The following NCOR2 variants were observed in gnomAD, a reference collection of about 807,000 sequenced individuals.
NCOR2 encodes the protein nuclear receptor corepressor 2, also known as CTG repeat protein 26.
A neutral mutation model predicts 262.9 loss-of-function variants in NCOR2; 81 were observed. That is an observed-to-expected ratio of 0.31 (90% CI 0.26 to 0.37). The LOEUF is 0.37. NCOR2 is among the 10% of genes least tolerant of loss of function. NCOR2 has a pLI of 1.00. For synonymous variants in NCOR2, 1,659 were observed against 1,559.3 expected (o/e 1.06, Z -1.51); for missense variants, 3,385 against 3,621.4 (o/e 0.93, Z 1.68).
At chr12:124,354,916 G>A (rs758093486) in exon 25 of NCOR2, 7 of 1,613,048 alleles carry the variant, frequency 4.3e-6, no homozygotes, top group Middle Eastern at 1.7e-4. Context: ...CTGAGTACGG[G>A]ACGTGGAGCT....
rs138418722 is a variant in NCOR2, at chr12:124,528,344, A to G, written c.-118+7221T>C. Among the ~76,000 whole-genome samples the G allele has an allele frequency of 2.8e-4, 42 of 152,300 alleles. 1 individual carries two copies. The highest frequency in any genetic ancestry group is 6.8e-3 in the Middle Eastern group (2 of 294). ...CGCTGACTTCATTACTTATTTATTT[A>G]CGGGATTGCTTATTTAATTTACAGG... On this transcript the variant is annotated intron_variant, in intron 1 of 46. Coordinates refer to the NCOR2 transcript ENST00000404621.
intron 3 of NCOR2, among the ~76,000 whole-genome samples, chr12:124,474,354 T>C (rs2136707866): frequency 6.6e-6 from 1 of 152,352 alleles, no homozygotes; most frequent in Middle Eastern, 3.4e-3. Context: ...CTTTCTTCTT[T>C]TTATTTGCCC....
At chr12:124,522,383 A>T (rs1414374012) in intron 1 of NCOR2, among the ~76,000 whole-genome samples, 2 of 152,208 alleles carry the variant, frequency 1.3e-5, no homozygotes, top group African/African-American at 2.4e-5. Flanking sequence ...TCCAAGCTCA[A>T]GGTGTCACCA....
At position 124,372,457 on chromosome 12, in the gene NCOR2, G is replaced by A. The variant is rs371727103; in HGVS notation, c.2372C>T (p.Pro791Leu). 4.8e-5 allele frequency: 74 copies of A among 1,552,852 alleles called. 2 individuals carry two copies. Among genetic ancestry groups the A allele is most frequent in the South Asian group, 1.6e-4 (13 of 83,574 alleles). The change falls in exon 20 of 47, where the codon CCG becomes CTG. Residue 791 changes from proline to leucine, a missense_variant. By Grantham distance (98) the Pro-to-Leu change is moderately conservative. Transcript: ENST00000405201. ...GGCCGGGGTGGGCTCAGTGGGGGCC[G>A]GGATGTCCTCCGGTGGTGGGGTGGG...
chr12:124,377,001 C>T (rs1277337745), intron 18 of NCOR2, among the ~76,000 whole-genome samples: 1 of 152,196 alleles, frequency 6.6e-6, no homozygotes, highest in Non-Finnish European at 1.5e-5. Context: ...GTCTAGACCC[C>T]CAGCTTCCCC....
intron 7 of NCOR2, among the ~76,000 whole-genome samples, chr12:124,449,293 G>A (rs1208978021): frequency 6.6e-6 from 1 of 152,166 alleles, no homozygotes; most frequent in Non-Finnish European, 1.5e-5. Context: ...CATCACATTG[G>A]CCACCTCCAA....
intron 22 of NCOR2, among the ~76,000 whole-genome samples, chr12:124,359,274 G>C (rs1450964551): frequency 6.6e-6 from 1 of 152,226 alleles, no homozygotes; most frequent in African/African-American, 2.4e-5. Context: ...TCTGGGACAG[G>C]AATGGCAGGC....
chr12:124,345,433 C>A (rs1195581626), intron 31 of NCOR2, among the ~76,000 whole-genome samples: 2 of 152,150 alleles, frequency 1.3e-5, no homozygotes, highest in African/African-American at 4.8e-5. Flanking sequence ...TGTTTGCCCT[C>A]CAGACAGAAA....
intron 1 of NCOR2, among the ~76,000 whole-genome samples, chr12:124,509,904 C>T (rs1313812295): frequency 2.6e-5 from 4 of 152,150 alleles, no homozygotes; most frequent in Non-Finnish European, 4.4e-5. Context: ...CTCCGGACCT[C>T]GGTTTCCGGA....
rs534454617 is a variant in NCOR2, at chr12:124,502,254, G to A, written c.-117-6886C>T. 7.2e-5 allele frequency among the ~76,000 whole-genome samples: 11 copies of A among 152,336 alleles called. No homozygotes were observed. In the South Asian group the frequency reaches 2.3e-3, roughly 32 times the overall value. On this transcript the variant is annotated intron_variant, in intron 1 of 46. Coordinates refer to the NCOR2 transcript ENST00000404621. ...GAGAGCTCCTGCTGCCCGGCCTGGTGGCTCACTCTGTCTACCACGATTTGT... is the reference window on the plus strand; with the variant it reads ...GAGAGCTCCTGCTGCCCGGCCTGGTAGCTCACTCTGTCTACCACGATTTGT...
chr12:124,367,975 C>T (rs532393019), intron 20 of NCOR2, among the ~76,000 whole-genome samples: 2 of 152,362 alleles, frequency 1.3e-5, no homozygotes, highest in Admixed American at 1.3e-4. Flanking sequence ...TTCTATTTTC[C>T]TTTCTGGCGG....
intron 4 of NCOR2, among the ~76,000 whole-genome samples, chr12:124,468,579 A>C (rs1593688830): frequency 9.9e-5 from 1 of 10,080 alleles, no homozygotes; most frequent in East Asian, 2.9e-3. Context: ...CCTCATCCTC[A>C]TCACCCCCAT....
At chr12:124,544,051 C>T (rs1021332151) in intron 1 of NCOR2, among the ~76,000 whole-genome samples, 1 of 152,244 alleles carries the variant, frequency 6.6e-6, no homozygotes, top group Non-Finnish European at 1.5e-5. Context: ...CCACACTCAG[C>T]GTCAGTCAGC....
chr12:124,347,936 C>T (rs767558209), intron 29 of NCOR2, 25 bp from the exon 32 acceptor site: 1 of 1,551,482 alleles, frequency 6.4e-7, no homozygotes, highest in African/African-American at 1.4e-5. Flanking sequence ...GTGAGGCCAT[C>T]ATTCCGTGGC....
At chr12:124,325,378 C>CCCT in exon 47 of NCOR2, 2 of 232,298 alleles carry the variant, frequency 8.6e-6, no homozygotes, top group Middle Eastern at 1.1e-3. Flanking sequence ...CCTGACACCG[C>CCCT]CCCCCCCCCC....
chr12:124,406,015 TCTCTGGGCGGAGA>T (rs2042255032), intron 13 of NCOR2, among the ~76,000 whole-genome samples: 1 of 152,060 alleles, frequency 6.6e-6, no homozygotes, highest in African/African-American at 2.4e-5. Context: ...GACATCCAAA[TCTCTGGGCGGAGA>T]CCCAGGCGTT....
chr12:124,405,074 C>T (rs540992574), intron 13 of NCOR2, among the ~76,000 whole-genome samples: 10 of 152,242 alleles, frequency 6.6e-5, no homozygotes, highest in Admixed American at 2.0e-4. Context: ...TTGTGTTCTG[C>T]AGACTTGCCA....
chr12:124,428,579 AG>A (rs1235537621), intron 10 of NCOR2, among the ~76,000 whole-genome samples: 1 of 152,150 alleles, frequency 6.6e-6, no homozygotes, highest in African/African-American at 2.4e-5. Context: ...TCAGCATCGC[AG>A]GGCAGCGCGT....
chr12:124,539,913 A>G (rs1249676350), upstream of NCOR2, among the ~76,000 whole-genome samples: 1 of 152,038 alleles, frequency 6.6e-6, no homozygotes, highest in Non-Finnish European at 1.5e-5. This position sits in a 1 kb window ranked among gnomAD's most constrained non-coding sequence, Gnocchi z 5.1. Flanking sequence ...ATGGGAAGCC[A>G]CCACCCACAG....
Sources: allele counts gnomAD v4.1 joint callset (sites outside exome capture counted in the v4.1 genomes callset), GRCh38; gene constraint gnomAD v4.1.1; non-coding constraint Gnocchi (gnomAD v3.1); transcripts MANE v1.5; gene names NCBI Gene and HGNC (gene_info 2026-07-23, HGNC 2026-07-21).